The following NRXN1 variants were observed in gnomAD, a reference collection of about 807,000 sequenced individuals.
NRXN1 encodes the protein neurexin 1.
NRXN1 carries 39 observed loss-of-function variants against 150.9 expected under a neutral mutation model. The ratio of observed to expected loss-of-function variants is 0.26; its 90% CI spans 0.20 to 0.34. The LOEUF is 0.34. Among genes scored for constraint, NRXN1 ranks in the 10% least tolerant of loss-of-function variants. The probability of loss-of-function intolerance (pLI) is 1.00; values close to 1 mark genes in which losing one functional copy is unlikely to be tolerated. For missense variants in NRXN1, 1,815 were observed against 1,949.9 expected (o/e 0.93, Z 1.30); for synonymous variants, 924 against 757.0 (o/e 1.22, Z -3.62).
intron 5 of NRXN1, among the ~76,000 whole-genome samples, chr2:50,715,460 A>T (rs907262386): frequency 2.0e-5 from 3 of 152,198 alleles, no homozygotes; most frequent in African/African-American, 7.2e-5. Flanking sequence ...TGTAAAAGTG[A>T]TTTGTAAACT....
chr2:50,217,700 G>T (rs887408353), intron 18 of NRXN1, among the ~76,000 whole-genome samples: 1 of 152,022 alleles, frequency 6.6e-6, no homozygotes, highest in Non-Finnish European at 1.5e-5. Context: ...CTGGTTGAAG[G>T]TCATCTTTCC....
chr2:50,552,754 T>G lies in NRXN1; in HGVS notation c.1592A>C (p.Lys531Thr), dbSNP rs796052769. ...GTCCACCTTTATCATCTGTGGGTGC[T>G]TGGCATCTTTCTGATGTCTTGGCTT... ...HGKPRHQKDA[K>T]HPQMIKVDFF... Residue 531 changes from lysine (K) to threonine (T), a missense_variant, in exon 9 of 23, where the codon AAG becomes ACG. By Grantham distance (78) the Lys-to-Thr change is moderately conservative (BLOSUM62 -1). Around this residue, in one of 6 missense-constraint regions of NRXN1, gnomAD observed 638 missense variants for 652.6 expected, o/e 0.98. Transcript: ENST00000401669. 2 of 1,613,874 alleles carry G rather than the reference T, an allele frequency of 1.2e-6. No homozygotes were observed. The highest frequency in any genetic ancestry group is 2.7e-5 in the African/African-American group (2 of 74,930).
chr2:50,614,988 T>C (rs1241602495), intron 8 of NRXN1, among the ~76,000 whole-genome samples: 1 of 152,092 alleles, frequency 6.6e-6, no homozygotes, highest in African/African-American at 2.4e-5. Context: ...GAATCAATCA[T>C]TTTTTCCTCA....
intron 5 of NRXN1, among the ~76,000 whole-genome samples, chr2:50,703,279 T>A (rs1694006800): frequency 6.6e-6 from 1 of 152,064 alleles, no homozygotes; most frequent in Admixed American, 6.6e-5. Flanking sequence ...GACTAAAATG[T>A]ACCTGCCAAG....
chr2:50,641,826 G>A (rs1684124812), intron 5 of NRXN1, among the ~76,000 whole-genome samples: 1 of 152,102 alleles, frequency 6.6e-6, no homozygotes, highest in African/African-American at 2.4e-5. Flanking sequence ...AGCCTTCAGA[G>A]CACTTTTGGA....
intron 17 of NRXN1, among the ~76,000 whole-genome samples, chr2:50,430,044 C>T (rs2084833147): frequency 1.3e-5 from 2 of 152,052 alleles, no homozygotes; most frequent in Non-Finnish European, 2.9e-5. Context: ...CTGACTCAGC[C>T]ATTAAACTAA....
intron 21 of NRXN1, among the ~76,000 whole-genome samples, chr2:49,956,192 A>G (rs1674908094): frequency 6.6e-6 from 1 of 152,144 alleles, no homozygotes. Flanking sequence ...AATAGAAGTA[A>G]TTTGATAGGA....
chr2:50,848,117 G>A (rs1673957284), intron 5 of NRXN1, among the ~76,000 whole-genome samples: 1 of 152,106 alleles, frequency 6.6e-6, no homozygotes, highest in Non-Finnish European at 1.5e-5. Flanking sequence ...GGGGTTTCAG[G>A]AGCTGTGAAT....
At chr2:49,927,482 A>G (rs1669303388) in intron 22 of NRXN1, among the ~76,000 whole-genome samples, 1 of 152,226 alleles carries the variant, frequency 6.6e-6, no homozygotes, top group Admixed American at 6.5e-5. Context: ...ACTTAGTACA[A>G]TGATTCACAA....
chr2:49,971,736 A>AT (rs1677997565), intron 21 of NRXN1, among the ~76,000 whole-genome samples: 3 of 152,146 alleles, frequency 2.0e-5, no homozygotes, highest in African/African-American at 7.2e-5. Flanking sequence ...ATTTCTAAGG[A>AT]TAGAATATGA....
intron 17 of NRXN1, among the ~76,000 whole-genome samples, chr2:50,420,945 C>T (rs892513318): frequency 6.7e-6 from 1 of 149,166 alleles, no homozygotes; most frequent in Admixed American, 6.7e-5. Flanking sequence ...GTCCTGGTCA[C>T]CCTAGTCAAA....
At chr2:50,838,214 AACT>A (rs1351930033) in intron 5 of NRXN1, among the ~76,000 whole-genome samples, 23 of 152,148 alleles carry the variant, frequency 1.5e-4, no homozygotes, top group Admixed American at 1.5e-3. Context: ...TTACTCTGAA[AACT>A]ATTATAAACA....
At chr2:50,067,743 G>GCAGC (rs1231121613) in intron 19 of NRXN1, among the ~76,000 whole-genome samples, 1 of 152,170 alleles carries the variant, frequency 6.6e-6, no homozygotes, top group Non-Finnish European at 1.5e-5. Context: ...AAAAGTAAGA[G>GCAGC]CAGCCCCACA....
chr2:51,023,867 T>A (rs1226675377), intron 2 of NRXN1, among the ~76,000 whole-genome samples: 1 of 152,156 alleles, frequency 6.6e-6, no homozygotes, highest in South Asian at 2.1e-4. Context: ...TTAAGTCACA[T>A]GTATCATACT....
intron 2 of NRXN1, among the ~76,000 whole-genome samples, chr2:50,976,508 C>T (rs1418245173): frequency 6.6e-6 from 1 of 151,928 alleles, no homozygotes; most frequent in East Asian, 1.9e-4. Context: ...TTTGAAAAGG[C>T]ACACAACTTA....
At position 50,237,038 on chromosome 2, in the gene NRXN1, T is replaced by C; in HGVS notation, c.3365-68A>G. 3.5e-6 allele frequency: 5 copies of C among 1,425,674 alleles called. No individual in the cohort carries two copies. The Admixed American group carries it at 5.0e-5, about 14-fold the overall frequency. 88.3% of individuals were successfully genotyped at this position (1,425,674 alleles called of 1,614,324 possible). A position where few individuals can be genotyped will look rare whatever the true frequency, so the allele number is the denominator to read the frequency against. On this transcript the variant is annotated intron_variant, in intron 17 of 22. Coordinates refer to ENST00000401669, the MANE Select transcript of NRXN1 (RefSeq NM_001330078.2). ...GTCTGCACATTAGCAAGGCATGTTA[T>C]ATTGATATATCAGTAAAGTATCAAC...
chr2:50,384,894 T>A (rs963550645), intron 17 of NRXN1, among the ~76,000 whole-genome samples: 3 of 152,188 alleles, frequency 2.0e-5, no homozygotes, highest in African/African-American at 7.2e-5. Flanking sequence ...ACTCAACTCT[T>A]GGCAACTTCT....
chr2:50,513,877 C>G (rs1335266489), intron 12 of NRXN1, among the ~76,000 whole-genome samples: 2 of 151,892 alleles, frequency 1.3e-5, no homozygotes, highest in African/African-American at 4.8e-5. Flanking sequence ...TGTATGTGCC[C>G]CAAGTGTAAA....
rs151246613 is a variant in NRXN1, at chr2:50,996,419, C to T, written c.772+31083G>A. On this transcript the variant is annotated intron_variant, in intron 2 of 22. Coordinates refer to ENST00000401669, the MANE Select transcript of NRXN1 (RefSeq NM_001330078.2). ...TTTATCATTTAGAGTAAGCACAAGGCCAGTTTAAACCAGCTTAACTTTTAC... is the reference window on the plus strand; with the variant it reads ...TTTATCATTTAGAGTAAGCACAAGGTCAGTTTAAACCAGCTTAACTTTTAC... Among the ~76,000 whole-genome samples, 793 of 152,066 alleles carry T rather than the reference C, an allele frequency of 5.2e-3. 7 individuals are homozygous for T. Among genetic ancestry groups the T allele is most frequent in the African/African-American group, 0.018 (756 of 41,480 alleles).
Sources: allele counts gnomAD v4.1 joint callset (sites outside exome capture counted in the v4.1 genomes callset), GRCh38; gene constraint gnomAD v4.1.1; regional missense constraint gnomAD v4.1.1; transcripts MANE v1.5; gene names NCBI Gene and HGNC (gene_info 2026-07-23, HGNC 2026-07-21).